The following GNAO1 variants were observed in gnomAD, a reference collection of about 807,000 sequenced individuals.
The protein encoded by GNAO1 is G protein subunit alpha o1.
For synonymous variants in GNAO1, 164 were observed against 180.7 expected (o/e 0.91, Z 0.74); for missense variants, 166 against 478.7 (o/e 0.35, Z 6.10).
At chr16:56,195,435 T>C (rs1298431365) in intron 2 of GNAO1, among the ~76,000 whole-genome samples, 2 of 152,244 alleles carry the variant, frequency 1.3e-5, no homozygotes, top group African/African-American at 4.8e-5. Context: ...CAAATTTTTT[T>C]GAGTCCTCCC....
At chr16:56,341,070 G>C in intron 6 of GNAO1, 2 of 1,111,454 alleles carry the variant, frequency 1.8e-6, no homozygotes, top group South Asian at 2.8e-5. Context: ...TGTGCTCTGT[G>C]GATGCCCCTG....
At chr16:56,342,605 C>T (rs902273672) in intron 6 of GNAO1, among the ~76,000 whole-genome samples, 6 of 152,262 alleles carry the variant, frequency 3.9e-5, no homozygotes, top group African/African-American at 1.4e-4. Flanking sequence ...TGTTAATCCC[C>T]TGTGAGTGGA....
At position 56,226,562 on chromosome 16, in the gene GNAO1, G is replaced by C. The variant is rs541324383; in HGVS notation, c.161+33946G>C. On this transcript the variant is annotated intron_variant, in intron 2 of 8. Transcript: ENST00000262493. ...GAGCACCTGGGTAGATGGGGATGCC[G>C]TCTACTGAGGTAGGAAAGACTAGAG... The C allele has an allele frequency of 4.6e-5, 7 of 152,310 alleles. No homozygotes were observed. The South Asian group carries it at 1.5e-3, about 32-fold the overall frequency. 9.4% of individuals were successfully genotyped at this position (152,310 alleles called of 1,614,324 possible). A position where few individuals can be genotyped will look rare whatever the true frequency, so the allele number is the denominator to read the frequency against.
chr16:56,288,043 C>T (rs552615268), intron 3 of GNAO1, among the ~76,000 whole-genome samples: 2 of 152,282 alleles, frequency 1.3e-5, no homozygotes, highest in South Asian at 4.1e-4. Context: ...TTCATTAGGG[C>T]CGCCTATGAC....
chr16:56,300,843 C>T (rs1218952208), intron 3 of GNAO1: 1 of 152,250 alleles, frequency 6.6e-6, no homozygotes, highest in Admixed American at 6.5e-5. Flanking sequence ...CAGATTCCTT[C>T]AGGGCTGCCA....
At chr16:56,340,619 C>A in intron 6 of GNAO1, 1 of 576,312 alleles carries the variant, frequency 1.7e-6, no homozygotes, top group Non-Finnish European at 3.1e-6. Context: ...CCCGGCCCTG[C>A]TCCGCCCCGC....
At chr16:56,260,484 G>A (rs1250997000) in intron 2 of GNAO1, among the ~76,000 whole-genome samples, 1 of 152,180 alleles carries the variant, frequency 6.6e-6, no homozygotes, top group East Asian at 1.9e-4. Flanking sequence ...AGACCATGAT[G>A]AAGGCTGAGC....
chr16:56,218,890 T>A (rs1176504135), intron 2 of GNAO1, among the ~76,000 whole-genome samples: 2 of 152,186 alleles, frequency 1.3e-5, no homozygotes, highest in Admixed American at 6.5e-5. Context: ...GGTGTTTCAA[T>A]TGCACATTGA....
chr16:56,322,267 C>T (rs1414994027), intron 3 of GNAO1, among the ~76,000 whole-genome samples: 4 of 152,190 alleles, frequency 2.6e-5, no homozygotes, highest in African/African-American at 9.7e-5. Flanking sequence ...GCCCAGAGAA[C>T]ATGCATGTGT....
chr16:56,300,445 G>A (rs2037333907), intron 3 of GNAO1, among the ~76,000 whole-genome samples: 1 of 152,176 alleles, frequency 6.6e-6, no homozygotes, highest in Non-Finnish European at 1.5e-5. Context: ...TCCACTGACT[G>A]GTCACCGTGC....
chr16:56,351,365 T>C lies in GNAO1; in HGVS notation c.724-19T>C. On this transcript the variant is annotated intron_variant, in intron 6 of 8. Coordinates refer to ENST00000262493, the MANE Select transcript of GNAO1 (RefSeq NM_020988.3). This position sits in a 1 kb window ranked among gnomAD's most constrained non-coding sequence, Gnocchi z 6.1. ...CCCTCCCGCTGTCTGTCCTCTCTCC[T>C]CCCTTCCTGCGGCCGCAGAACCGCA... 1 of 1,601,418 alleles carries C rather than the reference T, an allele frequency of 6.2e-7. No individual in the cohort carries two copies. The highest frequency in any genetic ancestry group is 2.2e-5 in the East Asian group (1 of 44,804).
intron 2 of GNAO1, among the ~76,000 whole-genome samples, chr16:56,196,139 C>G (rs1268972378): frequency 2.0e-5 from 3 of 152,052 alleles, no homozygotes; most frequent in Non-Finnish European, 4.4e-5. Flanking sequence ...TTTGGGTTCC[C>G]CCCCCCTTGT....
intron 2 of GNAO1, among the ~76,000 whole-genome samples, chr16:56,199,334 C>G (rs2036261523): frequency 6.6e-6 from 1 of 152,064 alleles, no homozygotes; most frequent in Non-Finnish European, 1.5e-5. Flanking sequence ...GTTCTTAAAC[C>G]AAAGAGGAGG....
intron 3 of GNAO1, among the ~76,000 whole-genome samples, chr16:56,306,666 A>G (rs932814976): frequency 6.6e-6 from 1 of 152,238 alleles, no homozygotes; most frequent in Admixed American, 6.5e-5. Flanking sequence ...CTACCTTGAA[A>G]TTCAGAAAAC....
intron 2 of GNAO1, among the ~76,000 whole-genome samples, chr16:56,197,453 C>T (rs1484877404): frequency 6.6e-6 from 1 of 152,322 alleles, no homozygotes; most frequent in South Asian, 2.1e-4. Context: ...TTACTGTGCA[C>T]TGAGCTGTAA....
chr16:56,221,015 G>A (rs1377065042), intron 2 of GNAO1, among the ~76,000 whole-genome samples: 1 of 152,090 alleles, frequency 6.6e-6, no homozygotes. Flanking sequence ...CAAAGTGCTG[G>A]GATTACAGGC....
At chr16:56,212,077 C>T (rs1310847902) in intron 2 of GNAO1, among the ~76,000 whole-genome samples, 7 of 151,778 alleles carry the variant, frequency 4.6e-5, no homozygotes, top group African/African-American at 1.2e-4. Context: ...GAGTCTTCAA[C>T]GACTGAGAAA....
chr16:56,321,884 C>T lies in GNAO1; in HGVS notation c.304-6747C>T, dbSNP rs1172465086. 3.1e-4 allele frequency among the ~76,000 whole-genome samples: 47 copies of T among 152,342 alleles called. 1 individual carries two copies. The highest frequency in any genetic ancestry group is 2.9e-3 in the Admixed American group (45 of 15,310). On this transcript the variant is annotated intron_variant, in intron 3 of 8. Transcript: ENST00000262493. ...CGCGTAAAATACTCACAGGCCAGAC[C>T]TGGTATCTTCATCCATTCAGGCTAC...
Position 56,192,726 on chromosome 16 carries a change from G to GCACACACACACACA in GNAO1, c.161+122_161+135dup, listed in dbSNP as rs60037687. The GCACACACACACACA allele has an allele frequency of 5.6e-6, 3 of 535,732 alleles. No individual in the cohort carries two copies. The African/African-American group carries it at 5.9e-5, about 10-fold the overall frequency. 33.2% of individuals were successfully genotyped at this position (535,732 alleles called of 1,614,324 possible). Reference sequence around the variant, plus strand: ...TCTCCAGGCCTGTTTTTTAATTCGTGCACACACACACACACACACACACAC... The same window carrying GCACACACACACACA: ...TCTCCAGGCCTGTTTTTTAATTCGTGCACACACACACACACACACACACACACACACACACACAC... On this transcript the variant is annotated intron_variant, in intron 2 of 8. Coordinates refer to ENST00000262493, the MANE Select transcript of GNAO1 (RefSeq NM_020988.3).
Sources: gnomAD v4.1 joint callset for allele counts (sites outside exome capture counted in the v4.1 genomes callset) on GRCh38, gnomAD v4.1.1 for gene constraint, Gnocchi (gnomAD v3.1) non-coding constraint, MANE v1.5 for transcripts, NCBI Gene and HGNC (gene_info 2026-07-23, HGNC 2026-07-21) for gene names.